Variants in ACAA2 observed in about 807,000 individuals in gnomAD.
ACAA2 encodes the protein 3-ketoacyl-CoA thiolase, mitochondrial.
ACAA2 carries 35 observed loss-of-function variants against 44.8 expected under a neutral mutation model. The ratio of observed to expected loss-of-function variants is 0.78; its 90% CI spans 0.60 to 1.04. The LOEUF is 1.04. ACAA2 is among the 50% of genes least tolerant of loss of function. The pLI is 0.00. For synonymous variants in ACAA2, 142 were observed against 166.5 expected (o/e 0.85, Z 1.13); for missense variants, 468 against 482.6 (o/e 0.97, Z 0.28).
intron 8 of ACAA2, chr18:49,786,727 A>C (rs2023334084): frequency 6.6e-6 from 1 of 152,162 alleles, no homozygotes; most frequent in South Asian, 2.1e-4. Context: ...TCTTCTTTTA[A>C]TTATGCTTAA....
intron 8 of ACAA2, 31 bp downstream of exon 8, chr18:49,787,260 T>TAAAAAAAAAAAAAAAAAAAAAAA: frequency 2.0e-6 from 2 of 1,023,518 alleles, no homozygotes; most frequent in Non-Finnish European, 2.6e-6. Context: ...TTCATGTTGT[T>TAAAAAAAAAAAAAAAAAAAAAAA]AAAAAAAAAA....
chr18:49,810,245 G>A (rs898400347), intron 1 of ACAA2, among the ~76,000 whole-genome samples: 7 of 152,086 alleles, frequency 4.6e-5, no homozygotes, highest in Non-Finnish European at 7.4e-5. Context: ...AACACCACAC[G>A]TAACACTCCA....
chr18:49,797,502 A>C lies in ACAA2; in HGVS notation c.276T>G (p.Cys92Trp). 1 of 1,611,918 alleles carries C rather than the reference A, an allele frequency of 6.2e-7. No homozygotes were observed. The highest frequency in any genetic ancestry group is 8.5e-7 in the Non-Finnish European group (1 of 1,179,732). ...TCACAATGGACTGAAAACCAGAACC[A>C]CAGAGCCTATTAATCGTGAGAGCTG... Reference protein sequence around the residue: ...ETPALTINRLCGSGFQSIVNG... With the variant: ...ETPALTINRLWGSGFQSIVNG... The change falls in exon 3 of 10, where the codon TGT (cysteine) becomes TGG (tryptophan). Residue 92 changes from cysteine to tryptophan, a missense_variant. Coordinates refer to ENST00000285093, the MANE Select transcript of ACAA2 (RefSeq NM_006111.3).
rs144242268 is a variant in ACAA2 at position 49,785,454 on chromosome 18, C to A, written c.955-103G>T. 1.3e-4 allele frequency: 152 copies of A among 1,144,722 alleles called. No homozygotes were observed. In the East Asian group the frequency reaches 3.8e-3, roughly 29 times the overall value. 70.9% of individuals were successfully genotyped at this position (1,144,722 alleles called of 1,614,324 possible). A position where few individuals can be genotyped will look rare whatever the true frequency, so the allele number is the denominator to read the frequency against. The stretch of plus-strand genomic sequence containing the variant: ...CAACAGCTAAGTCTGCTGTTTCTTC[C>A]TATTTAAATTACCTCGCAAAGTTAT... On this transcript the variant is annotated intron_variant, in intron 8 of 9. Coordinates refer to ENST00000285093, the MANE Select transcript of ACAA2 (RefSeq NM_006111.3).
intron 1 of ACAA2, among the ~76,000 whole-genome samples, chr18:49,808,043 T>A (rs935847936): frequency 2.0e-5 from 3 of 146,410 alleles, no homozygotes; most frequent in Non-Finnish European, 4.5e-5. Context: ...TCTGAACAGA[T>A]ACCTTACTAA....
chr18:49,790,061 G>A (rs1281882901), intron 7 of ACAA2, among the ~76,000 whole-genome samples: 2 of 152,126 alleles, frequency 1.3e-5, no homozygotes, highest in Admixed American at 1.3e-4. Context: ...ATCTGAGGTT[G>A]GGAACCACTA....
At chr18:49,792,093 GATTACTTTTGTTGAA>G in intron 6 of ACAA2, 44 bp downstream of exon 6, 1 of 1,390,770 alleles carries the variant, frequency 7.2e-7, no homozygotes, top group Non-Finnish European at 1.0e-6. Context: ...GATACTTCAT[GATTACTTTTGTTGAA>G]CACACCAGGA....
At chr18:49,804,705 C>T (rs1043621209) in intron 1 of ACAA2, among the ~76,000 whole-genome samples, 9 of 152,134 alleles carry the variant, frequency 5.9e-5, no homozygotes, top group Non-Finnish European at 1.2e-4. Context: ...TCTACTAATA[C>T]AAACTAAGAC....
chr18:49,802,635 G>T, intron 2 of ACAA2, 52 bp downstream of exon 2: 1 of 1,505,600 alleles, frequency 6.6e-7, no homozygotes, highest in African/African-American at 1.4e-5. Context: ...ATTATTTTTA[G>T]AAACTGATCA....
intron 1 of ACAA2, among the ~76,000 whole-genome samples, chr18:49,806,128 G>GT (rs1004338438): frequency 6.6e-6 from 1 of 152,164 alleles, no homozygotes. Flanking sequence ...ACAGAACAGG[G>GT]TAAGTGTCCA....
At chr18:49,809,029 C>A (rs1005096090) in intron 1 of ACAA2, among the ~76,000 whole-genome samples, 3 of 152,082 alleles carry the variant, frequency 2.0e-5, no homozygotes, top group East Asian at 1.9e-4. Flanking sequence ...GACCTCCCCC[C>A]AGGAATACAA....
At position 49,797,577 on chromosome 18, in the gene ACAA2, T is replaced by G. The variant is rs143653600; in HGVS notation, c.201A>C (p.Ile67=). 1 of 1,610,150 alleles carries G rather than the reference T, an allele frequency of 6.2e-7. No individual in the cohort carries two copies. Among genetic ancestry groups the G allele is most frequent in the Non-Finnish European group, 8.5e-7 (1 of 1,178,628 alleles). ...GNVLQSSSDA[I]YLARHVGLRV... is the part of the protein sequence containing the mutation. ...GCAAACCAACATGCCTTGCCAAATA[T>G]ATAGCATCTGAAGAACTCTAGAAGA... is the stretch of plus-strand genomic sequence containing the variant. The change falls in exon 3 of 10, where the codon ATA becomes ATC. Residue 67 remains isoleucine (I), a synonymous_variant. Transcript: ENST00000285093.
chr18:49,799,450 C>T (rs1035626529), intron 2 of ACAA2, among the ~76,000 whole-genome samples: 5 of 152,212 alleles, frequency 3.3e-5, no homozygotes, highest in African/African-American at 4.8e-5. Context: ...CTCCTAACCG[C>T]GAGTGATCCG....
Position 49,792,097 on chromosome 18 carries a change from AC to A in ACAA2, c.753+54del. On this transcript the variant is annotated intron_variant, in intron 6 of 9. Transcript: ENST00000285093. ...AGTATTTACAAGATACTTCATGATT[AC>A]TTTTGTTGAACACACCAGGAAGAAT... The A allele has an allele frequency of 4.9e-6, 7 of 1,419,472 alleles. No homozygotes were observed. In the South Asian group the frequency reaches 9.0e-5, roughly 18 times the overall value. 87.9% of individuals were successfully genotyped at this position (1,419,472 alleles called of 1,614,324 possible). A position where few individuals can be genotyped will look rare whatever the true frequency, so the allele number is the denominator to read the frequency against.
Position 49,811,584 on chromosome 18 carries a change from T to C in ACAA2, c.16+1885A>G, listed in dbSNP as rs1377892024. ...ACAAAATTTAACTCAAATGTGTCCT[T>C]TTCCCTATAATCAGTCACATGCTCT... is the stretch of plus-strand genomic sequence containing the variant. On this transcript the variant is annotated intron_variant, in intron 1 of 9. Coordinates refer to ENST00000285093, the MANE Select transcript of ACAA2 (RefSeq NM_006111.3). 3 of 152,216 alleles carry C rather than the reference T, an allele frequency of 2.0e-5. 1 individual carries two copies. Among genetic ancestry groups the C allele is most frequent in the Admixed American group, 2.0e-4 (3 of 15,286 alleles). 9.4% of individuals were successfully genotyped at this position (152,216 alleles called of 1,614,324 possible).
chr18:49,802,578 GTC>G, intron 2 of ACAA2, 107 bp downstream of exon 2: 1 of 636,524 alleles, frequency 1.6e-6, no homozygotes. Context: ...AAAAAAAAAA[GTC>G]TATAACTATT....
At position 49,783,048 on chromosome 18, in the gene ACAA2, G is replaced by A. The variant is rs529017813; in HGVS notation, c.*799C>T. 1.3e-5 allele frequency: 2 copies of A among 152,268 alleles called. No individual in the cohort carries two copies. The highest frequency in any genetic ancestry group is 6.5e-5 in the Admixed American group (1 of 15,278). The allele number at this position is 152,268 out of a possible 1,614,324, so 9.4% of individuals were successfully genotyped here. A position where few individuals can be genotyped will look rare whatever the true frequency, so the allele number is the denominator to read the frequency against. On this transcript the variant is annotated 3_prime_UTR_variant, in exon 10 of 10. Transcript: ENST00000285093. ...TAAAGGGAGAAAATAAAGGATGAAA[G>A]ATGGCCTTTAAGCTGGGAAGAAGGA...
chr18:49,785,325 G>C lies in ACAA2; in HGVS notation c.981C>G (p.Tyr327Ter). Reference sequence around the variant, plus strand: ...GATCCAAACTCCTCTCAACAGCCAAGTACTGGGGAGCAAAAGCTTCATTCA... The same window carrying C: ...GATCCAAACTCCTCTCAACAGCCAACTACTGGGGAGCAAAAGCTTCATTCA... ...VEVNEAFAPQ[Y>*]LAVERSLDLD... Residue 327 changes from tyrosine to a stop codon, truncating the protein, a stop_gained, in exon 9 of 10, where the codon TAC (tyrosine) becomes TAG (stop). Transcript: ENST00000285093. LOFTEE classifies it high-confidence loss of function. 1 of 1,613,610 alleles carries C rather than the reference G, an allele frequency of 6.2e-7. No individual in the cohort carries two copies. Among genetic ancestry groups the C allele is most frequent in the Non-Finnish European group, 8.5e-7 (1 of 1,179,930 alleles).
chr18:49,805,373 T>C (rs1407158435), intron 1 of ACAA2, among the ~76,000 whole-genome samples: 1 of 152,234 alleles, frequency 6.6e-6, no homozygotes, highest in Non-Finnish European at 1.5e-5. Flanking sequence ...ATAACTATAA[T>C]TTAGAACAGA....
Sources: gnomAD v4.1 joint callset for allele counts (sites outside exome capture counted in the v4.1 genomes callset) on GRCh38, gnomAD v4.1.1 for gene constraint, MANE v1.5 for transcripts, NCBI Gene and HGNC (gene_info 2026-07-23, HGNC 2026-07-21) for gene names.